Variants in H2BC18 observed in about 807,000 individuals in gnomAD.
H2BC18 encodes the protein H2B clustered histone 18, also known as histone H2B type 2-F.
H2BC18 carries 8 observed loss-of-function variants against 6.3 expected under a neutral mutation model. The ratio of observed to expected loss-of-function variants is 1.28; its 90% CI spans 0.75 to 2.31. The LOEUF is 2.31. Ranked by LOEUF, H2BC18 falls within the 30% of genes most tolerant of loss-of-function variation. The pLI is 0.00. For synonymous variants in H2BC18, 104 were observed against 78.1 expected (o/e 1.33, Z -1.75); for missense variants, 106 against 174.5 (o/e 0.61, Z 2.21).
chr1:149,800,613 A>G (rs1553753219), intron 1 of H2BC18, among the ~76,000 whole-genome samples: 1 of 141,456 alleles, frequency 7.1e-6, no homozygotes, highest in Non-Finnish European at 1.5e-5. Flanking sequence ...ATAATAGCAC[A>G]ATCTTTCAGC....
downstream of H2BC18, among the ~76,000 whole-genome samples, chr1:149,809,487 G>C (rs1195598249): frequency 2.0e-5 from 3 of 150,480 alleles, no homozygotes; most frequent in African/African-American, 7.4e-5. Flanking sequence ...ATTTACTAGA[G>C]TATTTACTAG....
chr1:149,797,260 T>G (rs1289388055), intron 1 of H2BC18, among the ~76,000 whole-genome samples: 3 of 152,198 alleles, frequency 2.0e-5, no homozygotes, highest in Non-Finnish European at 2.9e-5. Flanking sequence ...TTTCTGTTTC[T>G]CTTATTCTTT....
chr1:149,790,265 A>T, intron 1 of H2BC18: 2 of 1,598,086 alleles, frequency 1.3e-6, no homozygotes, highest in Non-Finnish European at 1.7e-6. Flanking sequence ...ACTCTGGGTT[A>T]TACTGGTGCG....
At chr1:149,788,160 G>A in intron 1 of H2BC18, 1 of 782,158 alleles carries the variant, frequency 1.3e-6, no homozygotes, top group East Asian at 2.7e-5. Flanking sequence ...AGATAAGAAA[G>A]GGCTGTGTAC....
intron 1 of H2BC18, chr1:149,793,019 G>A: frequency 2.4e-6 from 3 of 1,264,572 alleles, no homozygotes; most frequent in Non-Finnish European, 3.1e-6. Context: ...CTCCAACCCC[G>A]CCCCGGGCCC....
chr1:149,802,529 CTA>C (rs2101475698), intron 1 of H2BC18, among the ~76,000 whole-genome samples: 1 of 152,176 alleles, frequency 6.6e-6, no homozygotes, highest in Non-Finnish European at 1.5e-5. Flanking sequence ...AGACATATAT[CTA>C]TAGATATAGA....
Position 149,789,324 on chromosome 1 carries a change from C to T in H2BC18, c.378-6064G>A, listed in dbSNP as rs369481898. Among the ~76,000 whole-genome samples, 10 of 152,128 alleles carry T rather than the reference C, an allele frequency of 6.6e-5. No homozygotes were observed. The South Asian group carries it at 1.0e-3, about 16-fold the overall frequency. On this transcript the variant is annotated intron_variant, in intron 1 of 1. Coordinates refer to the H2BC18 transcript ENST00000545683. ...AGGAGAATAGCATGAACCCGGGAAG[C>T]GGAGCTTGCAGTGAGCTGAGATAGC...
chr1:149,796,865 T>C (rs2091805989), intron 1 of H2BC18, among the ~76,000 whole-genome samples: 1 of 152,212 alleles, frequency 6.6e-6, no homozygotes, highest in Non-Finnish European at 1.5e-5. Context: ...TTTTGATCAA[T>C]TTGTATAATA....
chr1:149,805,947 C>T (rs1553753832), intron 1 of H2BC18, among the ~76,000 whole-genome samples: 1 of 152,026 alleles, frequency 6.6e-6, no homozygotes. Context: ...CCATCCTCAT[C>T]ACAGGGCTTC....
chr1:149,784,724 A>G (rs2091495322), intron 1 of H2BC18, among the ~76,000 whole-genome samples: 1 of 148,950 alleles, frequency 6.7e-6, no homozygotes. Flanking sequence ...ATATATACAC[A>G]CATATATATA....
chr1:149,808,830 G>T (rs1343583725), downstream of H2BC18, among the ~76,000 whole-genome samples: 8 of 151,936 alleles, frequency 5.3e-5, no homozygotes, highest in Non-Finnish European at 1.0e-4. Flanking sequence ...AAACAAGCTT[G>T]TTCCTAGTTA....
chr1:149,784,857 C>T (rs782490158), intron 1 of H2BC18, among the ~76,000 whole-genome samples: 81 of 151,826 alleles, frequency 5.3e-4, no homozygotes, highest in Non-Finnish European at 9.9e-4. Flanking sequence ...GTCTGCTGCA[C>T]AGCTGTACCA....
intron 1 of H2BC18, among the ~76,000 whole-genome samples, chr1:149,803,018 C>T (rs1454137517): frequency 2.0e-5 from 3 of 152,228 alleles, no homozygotes; most frequent in African/African-American, 7.2e-5. Context: ...AACACCCTCA[C>T]AGACACACCC....
At chr1:149,811,826 A>G (rs2091978210), downstream of H2BC18, 3 of 928,582 alleles carry the variant, frequency 3.2e-6, no homozygotes, top group East Asian at 7.9e-5. Context: ...TCCCTACCTG[A>G]CCAAAAGCTA....
chr1:149,803,897 T>G (rs1452355890), intron 1 of H2BC18: 1 of 152,254 alleles, frequency 6.6e-6, no homozygotes, highest in Non-Finnish European at 1.5e-5. Context: ...GAAAAAACCT[T>G]GTTTTCTTGT....
At chr1:149,811,129 T>TG (rs2091967834), downstream of H2BC18, 1 of 152,250 alleles carries the variant, frequency 6.6e-6, no homozygotes, top group South Asian at 2.1e-4. Context: ...GGGATGTCTT[T>TG]GGGCGCTGGG....
In H2BC18 at chr1:149,792,669, C is replaced by T. The variant is rs1204798706; in HGVS notation, c.378-9409G>A. 7.0e-6 allele frequency: 9 copies of T among 1,278,188 alleles called. 2 individuals are homozygous for T. The African/African-American group carries it at 7.8e-5, about 11-fold the overall frequency. The allele number at this position is 1,278,188 out of a possible 1,614,324, so 79.2% of individuals were successfully genotyped here. A position where few individuals can be genotyped will look rare whatever the true frequency, so the allele number is the denominator to read the frequency against. ...TCCGCCTGTATCTGGGGGCCGCAGC[C>T]GCCAGCGCCCGGGGACCCAGCTGCG... On this transcript the variant is annotated intron_variant, in intron 1 of 1. Coordinates refer to the H2BC18 transcript ENST00000545683.
At chr1:149,800,740 C>T (rs1479120658) in intron 1 of H2BC18, among the ~76,000 whole-genome samples, 2 of 147,700 alleles carry the variant, frequency 1.4e-5, no homozygotes, top group African/African-American at 5.1e-5. Flanking sequence ...TTACTTGGCA[C>T]ATTTTCCTGC....
intron 1 of H2BC18, among the ~76,000 whole-genome samples, chr1:149,797,004 C>T (rs1273334494): frequency 2.0e-5 from 3 of 152,192 alleles, no homozygotes; most frequent in Non-Finnish European, 2.9e-5. Flanking sequence ...CCTCCATCTC[C>T]CAGGTTCAAG....
Sources: gnomAD v4.1 joint callset for allele counts (sites outside exome capture counted in the v4.1 genomes callset) on GRCh38, gnomAD v4.1.1 for gene constraint, MANE v1.5 for transcripts, NCBI Gene and HGNC (gene_info 2026-07-23, HGNC 2026-07-21) for gene names.